Variants in NEBL observed in about 807,000 individuals in gnomAD.
NEBL encodes nebulette, also known as LIM and SH3 protein 2.
NEBL carries 122 observed loss-of-function variants against 140.2 expected under a neutral mutation model. That is an observed-to-expected ratio of 0.87 (90% CI 0.75 to 1.01). The LOEUF (loss-of-function observed/expected upper bound fraction) is 1.01, where lower values mean the gene tolerates loss of function less well. Ranked by LOEUF, NEBL falls within the 50% of genes least tolerant of loss-of-function variation. NEBL has a pLI of 0.00. For synonymous variants in NEBL, 436 were observed against 398.9 expected, an observed-to-expected ratio of 1.09 and a Z score of -1.11; for missense variants, 1,365 against 1,231.3, an observed-to-expected ratio of 1.11 and a Z score of -1.62.
At position 21,132,137 on chromosome 10, in the gene NEBL, A is replaced by G. The variant is rs1452219083; in HGVS notation, c.164+40246T>C. ...CAGTACTCATTAGCAATCACTCCCC[A>G]TTATCCCTATTCTCCAAGAACCTCT... On this transcript the variant is annotated intron_variant, in intron 2 of 6. Coordinates refer to the NEBL transcript ENST00000417816. Among the ~76,000 whole-genome samples, 35 of 152,090 alleles carry G rather than the reference A, an allele frequency of 2.3e-4. 2 individuals are homozygous for G. The highest frequency in any genetic ancestry group is 2.3e-3 in the Admixed American group (35 of 15,264).
chr10:20,918,689 A>T (rs2131491660), intron 4 of NEBL, among the ~76,000 whole-genome samples: 1 of 151,518 alleles, frequency 6.6e-6, no homozygotes, highest in Admixed American at 6.6e-5. Context: ...TCTACTAAAA[A>T]TAAAAAAAAA....
intron 24 of NEBL, among the ~76,000 whole-genome samples, chr10:20,810,368 C>CAA (rs111700349): frequency 6.0e-5 from 9 of 149,982 alleles, no homozygotes; most frequent in African/African-American, 2.0e-4. Context: ...ACAAAACAAA[C>CAA]AAAAAAAAAG....
intron 3 of NEBL, among the ~76,000 whole-genome samples, chr10:21,233,268 G>A (rs188677158): frequency 1.1e-4 from 17 of 152,088 alleles, no homozygotes; most frequent in East Asian, 7.7e-4. Flanking sequence ...GGTTGGTCTC[G>A]AACTCCTGGG....
chr10:20,940,497 T>C (rs1342732527), intron 4 of NEBL, among the ~76,000 whole-genome samples: 1 of 143,298 alleles, frequency 7.0e-6, no homozygotes, highest in East Asian at 2.0e-4. Flanking sequence ...AGATCTAAAA[T>C]TGACACCCTA....
At chr10:21,111,322 C>T (rs1039225968) in intron 2 of NEBL, among the ~76,000 whole-genome samples, 1 of 152,114 alleles carries the variant, frequency 6.6e-6, no homozygotes, top group Non-Finnish European at 1.5e-5. Flanking sequence ...TGGGAGGCAT[C>T]GTGCTACCTG....
intron 1 of NEBL, among the ~76,000 whole-genome samples, chr10:21,283,551 C>G (rs1843018018): frequency 6.6e-6 from 1 of 152,084 alleles, no homozygotes; most frequent in East Asian, 1.9e-4. Context: ...AACTTTGGAG[C>G]CTGTGGTATT....
chr10:21,126,254 C>T lies in NEBL; in HGVS notation c.164+46129G>A, dbSNP rs374027108. Reference sequence around the variant, plus strand: ...TTCAGAACCAATCCATCTTCAAAATCAGGGACTTCTTTTGTAAGCCTCATT... The same window carrying T: ...TTCAGAACCAATCCATCTTCAAAATTAGGGACTTCTTTTGTAAGCCTCATT... On this transcript the variant is annotated intron_variant, in intron 2 of 6. Transcript: ENST00000417816. 31 of 845,022 alleles carry T rather than the reference C, an allele frequency of 3.7e-5. No individual in the cohort carries two copies. In the East Asian group the frequency reaches 6.0e-4, roughly 16 times the overall value. The allele number at this position is 845,022 out of a possible 1,614,324, so 52.3% of individuals were successfully genotyped here. A position where few individuals can be genotyped will look rare whatever the true frequency, so the allele number is the denominator to read the frequency against.
chr10:20,903,321 C>A (rs1847953661), intron 4 of NEBL, among the ~76,000 whole-genome samples: 2 of 152,036 alleles, frequency 1.3e-5, no homozygotes, highest in South Asian at 4.1e-4. Flanking sequence ...TAAGATACGG[C>A]CTTACCCTGG....
At chr10:21,209,373 C>G (rs984030685) in intron 3 of NEBL, among the ~76,000 whole-genome samples, 5 of 152,112 alleles carry the variant, frequency 3.3e-5, no homozygotes, top group Non-Finnish European at 7.3e-5. Flanking sequence ...TATGTATGTC[C>G]CATGCTGGGT....
chr10:20,973,230 A>T (rs1836656279), intron 3 of NEBL, among the ~76,000 whole-genome samples: 1 of 151,728 alleles, frequency 6.6e-6, no homozygotes, highest in African/African-American at 2.4e-5. Flanking sequence ...TTTGTAAAAA[A>T]GATATTTTAC....
chr10:21,155,476 C>T (rs937715085), intron 2 of NEBL, among the ~76,000 whole-genome samples: 3 of 152,166 alleles, frequency 2.0e-5, no homozygotes, highest in Admixed American at 6.5e-5. Flanking sequence ...TACTCTCTAG[C>T]TCCATGAGTC....
Position 20,855,535 on chromosome 10 carries a change from AC to A in NEBL, c.903+2704del, listed in dbSNP as rs201993563. On this transcript the variant is annotated intron_variant, in intron 9 of 27. Transcript: ENST00000377122. ...GAAAACAAAACAAAACAAAAAAAAA[AC>A]GAAGGAAAACTTAATTGAATTAAGA... Among the ~76,000 whole-genome samples the A allele has an allele frequency of 6.6e-5, 10 of 151,452 alleles. No homozygotes were observed. The East Asian group carries it at 1.2e-3, about 18-fold the overall frequency.
At chr10:21,280,596 G>A (rs1042490872) in intron 1 of NEBL, among the ~76,000 whole-genome samples, 21 of 148,922 alleles carry the variant, frequency 1.4e-4, no homozygotes, top group African/African-American at 5.2e-4. Context: ...GGGCATTGTA[G>A]GTATTTTTGG....
intron 9 of NEBL, 52 bp from the exon 10 acceptor site, chr10:20,852,701 C>A: frequency 7.2e-7 from 1 of 1,380,162 alleles, no homozygotes; most frequent in Non-Finnish European, 1.0e-6. Context: ...CTGATTAGAG[C>A]AATAAATACT....
At chr10:21,073,803 G>T (rs546564396) in intron 2 of NEBL, among the ~76,000 whole-genome samples, 3 of 151,776 alleles carry the variant, frequency 2.0e-5, no homozygotes, top group African/African-American at 7.3e-5. Flanking sequence ...AGCCAGGGGC[G>T]GTGGCTCACG....
chr10:21,287,572 C>T (rs1358773270), intron 1 of NEBL, among the ~76,000 whole-genome samples: 4 of 152,068 alleles, frequency 2.6e-5, no homozygotes, highest in Non-Finnish European at 5.9e-5. Flanking sequence ...GTATGTTCAA[C>T]TCTACATACA....
At chr10:21,210,898 A>G (rs777349738) in intron 3 of NEBL, among the ~76,000 whole-genome samples, 14 of 152,218 alleles carry the variant, frequency 9.2e-5, no homozygotes, top group Non-Finnish European at 1.9e-4. Context: ...GTAGCTTTAC[A>G]TTTACAGCTA....
At chr10:20,945,808 G>T (rs1835127784) in intron 4 of NEBL, among the ~76,000 whole-genome samples, 1 of 151,814 alleles carries the variant, frequency 6.6e-6, no homozygotes, top group South Asian at 2.1e-4. Flanking sequence ...CTGGTGTAGA[G>T]GATTCAAGTA....
chr10:20,821,974 C>T (rs531485374), intron 19 of NEBL, among the ~76,000 whole-genome samples: 12 of 152,298 alleles, frequency 7.9e-5, no homozygotes, highest in South Asian at 2.1e-4. Context: ...CTAACTCCAA[C>T]GTTACCCCTT....
Sources: allele counts gnomAD v4.1 joint callset (sites outside exome capture counted in the v4.1 genomes callset), GRCh38; gene constraint gnomAD v4.1.1; transcripts MANE v1.5; gene names NCBI Gene and HGNC (gene_info 2026-07-23, HGNC 2026-07-21).